CPA6: variants seen among roughly 807,000 people sequenced by gnomAD.
CPA6 encodes carboxypeptidase A6, also known as carboxypeptidase B.
Under a neutral mutation model 63.3 loss-of-function variants are expected in CPA6, and 58 were observed. The ratio of observed to expected loss-of-function variants is 0.92; its 90% CI spans 0.74 to 1.14. The LOEUF is 1.14. Among genes scored for constraint, CPA6 ranks in the 50% most tolerant of loss-of-function variants. The pLI is 0.00. For synonymous variants in CPA6, 185 were observed against 179.0 expected, an observed-to-expected ratio of 1.03 and a Z score of -0.27; for missense variants, 565 against 526.6, an observed-to-expected ratio of 1.07 and a Z score of -0.71.
At chr8:67,701,765 G>A (rs1302433934) in intron 1 of CPA6, among the ~76,000 whole-genome samples, 1 of 152,200 alleles carries the variant, frequency 6.6e-6, no homozygotes, top group African/African-American at 2.4e-5. Context: ...CAACCTCAGG[G>A]TGGCAAACAA....
intron 1 of CPA6, among the ~76,000 whole-genome samples, chr8:67,653,989 A>G (rs1262477083): frequency 6.6e-6 from 1 of 151,692 alleles, no homozygotes; most frequent in Non-Finnish European, 1.5e-5. Context: ...TTCTGCATCT[A>G]TTGAGATAAT....
rs1213032128 is a variant in CPA6 at position 67,713,109 on chromosome 8, A to G, written c.116+32905T>C. Among the ~76,000 whole-genome samples, 269 of 91,298 alleles carry G rather than the reference A, an allele frequency of 2.9e-3. 2 individuals carry two copies. Among genetic ancestry groups the G allele is most frequent in the African/African-American group, 0.012 (239 of 20,118 alleles). 59.9% of individuals were successfully genotyped at this position (91,298 alleles called of 152,430 possible). On this transcript the variant is annotated intron_variant, in intron 1 of 10. Transcript: ENST00000297770. Reference sequence around the variant, plus strand: ...TGTGTGTGTGTGTGTGTATATATATATATATATATATATATATATATATAT... The same window carrying G: ...TGTGTGTGTGTGTGTGTATATATATGTATATATATATATATATATATATAT...
rs147595217 is a variant in CPA6, at chr8:67,700,165, G to T, written c.116+45849C>A. Among the ~76,000 whole-genome samples the T allele has an allele frequency of 1.1e-3, 172 of 152,268 alleles. 1 individual carries two copies. Among genetic ancestry groups the T allele is most frequent in the African/African-American group, 4.1e-3 (169 of 41,550 alleles). On this transcript the variant is annotated intron_variant, in intron 1 of 10. Transcript: ENST00000297770. ...AACACTTGAATAGACAGCTTTAATA[G>T]GGAGGTACTATGTACAGGCCTGCAG...
intron 1 of CPA6, among the ~76,000 whole-genome samples, chr8:67,658,097 A>G (rs1048880660): frequency 6.6e-6 from 1 of 152,030 alleles, no homozygotes; most frequent in South Asian, 2.1e-4. Flanking sequence ...TGTTCCTCCT[A>G]CAGCGAATAC....
chr8:67,711,686 TACACACACACAC>T (rs5892094), intron 1 of CPA6, among the ~76,000 whole-genome samples: 9 of 133,860 alleles, frequency 6.7e-5, no homozygotes, highest in South Asian at 2.3e-4. Flanking sequence ...TATGCCTGTG[TACACACACACAC>T]ACACACACAC....
chr8:67,712,511 C>T (rs555268593), intron 1 of CPA6, among the ~76,000 whole-genome samples: 7 of 152,148 alleles, frequency 4.6e-5, no homozygotes, highest in African/African-American at 1.7e-4. Context: ...TAAAGATCCA[C>T]CAAAGAGCAA....
In CPA6 at chr8:67,704,170, G is replaced by C. The variant is rs149199327; in HGVS notation, c.116+41844C>G. Among the ~76,000 whole-genome samples the C allele has an allele frequency of 7.1e-3, 1,076 of 152,276 alleles. 10 individuals carry two copies. Among genetic ancestry groups the C allele is most frequent in the Non-Finnish European group, 0.011 (716 of 68,022 alleles). On this transcript the variant is annotated intron_variant, in intron 1 of 10. Transcript: ENST00000297770. ...CTCTTGCTTCTTCCCACTTCCTCCT[G>C]TAGCAGAGGGATTAACCTGTCTTTT...
intron 10 of CPA6, among the ~76,000 whole-genome samples, chr8:67,426,046 G>A (rs1032223546): frequency 2.0e-5 from 3 of 151,980 alleles, no homozygotes; most frequent in Admixed American, 6.5e-5. Context: ...ACAGGCACCC[G>A]CTACCTCTGC....
intron 8 of CPA6, among the ~76,000 whole-genome samples, chr8:67,453,627 C>A (rs1810605330): frequency 6.6e-6 from 1 of 152,078 alleles, no homozygotes; most frequent in Non-Finnish European, 1.5e-5. Flanking sequence ...AAAGGCTGAA[C>A]CCTGGGCAGT....
chr8:67,708,522 C>G (rs776022351), intron 1 of CPA6, among the ~76,000 whole-genome samples: 10 of 152,152 alleles, frequency 6.6e-5, no homozygotes, highest in Non-Finnish European at 1.3e-4. Flanking sequence ...CATCAAACTC[C>G]AGATGATCCC....
At chr8:67,658,117 C>A (rs1401330065) in intron 1 of CPA6, among the ~76,000 whole-genome samples, 2 of 152,172 alleles carry the variant, frequency 1.3e-5, no homozygotes, top group African/African-American at 4.8e-5. Flanking sequence ...CTCTTCCCTA[C>A]CTTACTGGTC....
chr8:67,675,681 T>C (rs1816455752), intron 1 of CPA6, among the ~76,000 whole-genome samples: 1 of 152,208 alleles, frequency 6.6e-6, no homozygotes, highest in Admixed American at 6.5e-5. Context: ...CAGTCTGATT[T>C]GATGTGAGAG....
intron 1 of CPA6, among the ~76,000 whole-genome samples, chr8:67,694,516 A>G (rs1816874022): frequency 6.6e-6 from 1 of 152,168 alleles, no homozygotes. Flanking sequence ...CCATCATCAA[A>G]TGGAAGTGGT....
intron 2 of CPA6, among the ~76,000 whole-genome samples, chr8:67,539,565 C>T (rs183475875): frequency 9.2e-4 from 140 of 152,296 alleles, no homozygotes; most frequent in African/African-American, 2.9e-3. Context: ...TGGGGAAGTT[C>T]TCCTGGATAA....
At chr8:67,678,641 TCAA>T (rs1366634510) in intron 1 of CPA6, among the ~76,000 whole-genome samples, 2 of 152,208 alleles carry the variant, frequency 1.3e-5, no homozygotes, top group African/African-American at 4.8e-5. Context: ...GTTAAGTTGT[TCAA>T]CAACTAGAGT....
intron 1 of CPA6, among the ~76,000 whole-genome samples, chr8:67,719,542 A>C (rs1817451312): frequency 6.6e-6 from 1 of 152,222 alleles, no homozygotes; most frequent in Non-Finnish European, 1.5e-5. Flanking sequence ...GCCCTGGTCC[A>C]CTGAAGTGTT....
intron 9 of CPA6, among the ~76,000 whole-genome samples, chr8:67,431,149 T>A (rs1810018885): frequency 6.6e-6 from 1 of 151,012 alleles, no homozygotes; most frequent in South Asian, 2.1e-4. Context: ...TAGGCACTAA[T>A]GATCCATTTT....
chr8:67,701,458 G>A (rs1587712807), intron 1 of CPA6, among the ~76,000 whole-genome samples: 2 of 152,162 alleles, frequency 1.3e-5, no homozygotes, highest in South Asian at 2.1e-4. Flanking sequence ...CAGATACACC[G>A]TGACTGTGGA....
intron 8 of CPA6, among the ~76,000 whole-genome samples, chr8:67,436,423 T>C (rs1810156936): frequency 7.1e-6 from 1 of 141,458 alleles, no homozygotes; most frequent in South Asian, 2.1e-4. Context: ...AAGATGTGTA[T>C]ATTTTTGGCA....
Sources: allele counts gnomAD v4.1 joint callset (sites outside exome capture counted in the v4.1 genomes callset), GRCh38; gene constraint gnomAD v4.1.1; transcripts MANE v1.5; gene names NCBI Gene and HGNC (gene_info 2026-07-23, HGNC 2026-07-21).